The following QTMAN variants were observed in gnomAD, a reference collection of about 807,000 sequenced individuals.
QTMAN encodes the protein tRNA-queuosine alpha-mannosyltransferase.
the QTMAN span, among the ~76,000 whole-genome samples, chr2:144,253,340 T>G: frequency 2.6e-5 from 4 of 152,016 alleles, no homozygotes; most frequent in South Asian, 2.1e-4. Flanking sequence ...AGTACCAGGA[T>G]AGTGGGGTGC....
the QTMAN span, among the ~76,000 whole-genome samples, chr2:144,131,086 CA>C: frequency 6.6e-6 from 1 of 151,788 alleles, no homozygotes; most frequent in Non-Finnish European, 1.5e-5. Context: ...ATAATTTGAG[CA>C]GTATCAAGTA....
At chr2:144,170,632 C>A in the QTMAN span, among the ~76,000 whole-genome samples, 1 of 152,074 alleles carries the variant, frequency 6.6e-6, no homozygotes, top group African/African-American at 2.4e-5. Flanking sequence ...GATACTATCT[C>A]TATATTCCAA....
chr2:143,945,077 G>A, the QTMAN span: 1 of 152,168 alleles, frequency 6.6e-6, no homozygotes, highest in African/African-American at 2.4e-5. Flanking sequence ...ATTATTTTGA[G>A]AAGATGTCAT....
At chr2:144,253,848 G>A in the QTMAN span, among the ~76,000 whole-genome samples, 1 of 152,086 alleles carries the variant, frequency 6.6e-6, no homozygotes, top group African/African-American at 2.4e-5. Flanking sequence ...TAATAACCAA[G>A]ACAGGGGAAA....
At chr2:144,268,059 C>G in the QTMAN span, among the ~76,000 whole-genome samples, 1 of 152,066 alleles carries the variant, frequency 6.6e-6, no homozygotes, top group South Asian at 2.1e-4. Context: ...GCAGGTGGGG[C>G]CTGATGGGAG....
the QTMAN span, among the ~76,000 whole-genome samples, chr2:144,326,713 T>C: frequency 1.6e-4 from 24 of 152,266 alleles, no homozygotes; most frequent in Admixed American, 2.6e-4. Flanking sequence ...ACAGAACTTA[T>C]TGTTGGGAGA....
chr2:144,071,957 T>G, the QTMAN span, among the ~76,000 whole-genome samples: 1 of 152,122 alleles, frequency 6.6e-6, no homozygotes, highest in South Asian at 2.1e-4. Context: ...ACTCAAAAAT[T>G]AAGGCCAGAA....
At chr2:144,097,239 C>T in the QTMAN span, among the ~76,000 whole-genome samples, 1 of 152,190 alleles carries the variant, frequency 6.6e-6, no homozygotes, top group Non-Finnish European at 1.5e-5. Context: ...ACATTTACTT[C>T]GAATTCCAAT....
chr2:144,332,162 A>C, the QTMAN span, among the ~76,000 whole-genome samples: 1 of 105,226 alleles, frequency 9.5e-6, no homozygotes. Context: ...AGTTTGCAGA[A>C]GGCACAAAAT....
the QTMAN span, among the ~76,000 whole-genome samples, chr2:144,303,212 C>T: frequency 2.8e-4 from 42 of 152,266 alleles, no homozygotes; most frequent in South Asian, 5.2e-3. Flanking sequence ...GCAAAGGAAA[C>T]GGTATTACCA....
the QTMAN span, among the ~76,000 whole-genome samples, chr2:144,177,726 T>A: frequency 6.6e-6 from 1 of 152,176 alleles, no homozygotes; most frequent in Admixed American, 6.6e-5. Context: ...GTTCCATATA[T>A]GTCATAGCTT....
the QTMAN span, among the ~76,000 whole-genome samples, chr2:144,010,056 A>G: frequency 1.4e-5 from 2 of 144,110 alleles, no homozygotes; most frequent in African/African-American, 5.3e-5. Flanking sequence ...CTCATGAAGG[A>G]TTCACCAAAA....
chr2:144,289,550 G>C, the QTMAN span, among the ~76,000 whole-genome samples: 1 of 152,154 alleles, frequency 6.6e-6, no homozygotes, highest in Non-Finnish European at 1.5e-5. Context: ...GCTATTTACT[G>C]GTGTAAGAAG....
the QTMAN span, among the ~76,000 whole-genome samples, chr2:144,253,043 T>C: frequency 2.0e-5 from 3 of 152,126 alleles, no homozygotes; most frequent in African/African-American, 7.2e-5. Flanking sequence ...AGGAGCCTGG[T>C]GGGAGGTAAT....
At chr2:144,081,802 C>T in the QTMAN span, among the ~76,000 whole-genome samples, 1 of 152,130 alleles carries the variant, frequency 6.6e-6, no homozygotes, top group African/African-American at 2.4e-5. Context: ...CAACATTATT[C>T]TTGACTGGGG....
At chr2:144,332,110 C>A in the QTMAN span, among the ~76,000 whole-genome samples, 16 of 152,214 alleles carry the variant, frequency 1.1e-4, 1 homozygote, top group Admixed American at 8.5e-4. Flanking sequence ...AACCAGCACG[C>A]ACGACATGTA....
chr2:144,130,337 C>G, the QTMAN span, among the ~76,000 whole-genome samples: 1 of 151,842 alleles, frequency 6.6e-6, no homozygotes, highest in African/African-American at 2.4e-5. Context: ...ATCTAATATT[C>G]TTAGCAATGT....
the QTMAN span, among the ~76,000 whole-genome samples, chr2:144,251,096 G>T: frequency 1.3e-5 from 2 of 152,132 alleles, no homozygotes; most frequent in South Asian, 4.1e-4. Context: ...TTCTTTTAAA[G>T]TGGAAATATT....
At chr2:144,275,551 C>A in the QTMAN span, among the ~76,000 whole-genome samples, 1 of 152,070 alleles carries the variant, frequency 6.6e-6, no homozygotes, top group Admixed American at 6.5e-5. Context: ...ACATGTCAGA[C>A]CTTCTAAATA....
Sources: gnomAD v4.1 joint callset for allele counts (sites outside exome capture counted in the v4.1 genomes callset) on GRCh38, gnomAD v4.1.1 for gene constraint, MANE v1.5 for transcripts, NCBI Gene and HGNC (gene_info 2026-07-23, HGNC 2026-07-21) for gene names.